The following HPSE2 variants were observed in gnomAD, a reference collection of about 807,000 sequenced individuals.
HPSE2 encodes inactive heparanase-2.
HPSE2 carries 38 observed loss-of-function variants against 60.5 expected under a neutral mutation model. That is an observed-to-expected ratio of 0.63 (90% CI 0.48 to 0.82). The LOEUF (loss-of-function observed/expected upper bound fraction) is 0.82. Ranked by LOEUF, HPSE2 falls within the 40% of genes least tolerant of loss-of-function variation. HPSE2 has a pLI of 0.00. For synonymous variants in HPSE2, 295 were observed against 293.2 expected, an observed-to-expected ratio of 1.01 and a Z score of -0.06; for missense variants, 713 against 740.4, an observed-to-expected ratio of 0.96 and a Z score of 0.43.
At chr10:98,691,667 G>GTTTCA in intron 6 of HPSE2, among the ~76,000 whole-genome samples, 1 of 152,174 alleles carries the variant, frequency 6.6e-6, no homozygotes, top group Non-Finnish European at 1.5e-5. Flanking sequence ...TTTCAGTAAA[G>GTTTCA]GGACATTATC....
intron 2 of HPSE2, among the ~76,000 whole-genome samples, chr10:99,190,737 CA>C (rs1184603729): frequency 4.0e-5 from 6 of 151,808 alleles, no homozygotes; most frequent in Non-Finnish European, 8.8e-5. Flanking sequence ...ACTATCCATA[CA>C]AAAAAAAGCA....
intron 3 of HPSE2, among the ~76,000 whole-genome samples, chr10:98,877,321 T>C (rs1157204015): frequency 6.6e-6 from 1 of 151,886 alleles, no homozygotes; most frequent in Non-Finnish European, 1.5e-5. Context: ...ATATGTTTTC[T>C]AGATTTTTTT....
intron 9 of HPSE2, among the ~76,000 whole-genome samples, chr10:98,550,973 A>T (rs1014057501): frequency 3.9e-5 from 6 of 152,138 alleles, no homozygotes; most frequent in Non-Finnish European, 5.9e-5. Flanking sequence ...GCCTTCCATA[A>T]CTATTCACTG....
In HPSE2 at chr10:99,221,982, C is replaced by A. The variant is rs553489958; in HGVS notation, c.448+10366G>T. Among the ~76,000 whole-genome samples, 10 of 152,226 alleles carry A rather than the reference C, an allele frequency of 6.6e-5. No homozygotes were observed. The East Asian group carries it at 1.9e-3, about 29-fold the overall frequency. ...GGAGAGAGGCTGAAAACAGGAAACC[C>A]AGCTGAGACGTGCTACAGAACAGGT... On this transcript the variant is annotated intron_variant, in intron 2 of 11. Coordinates refer to ENST00000370552, the MANE Select transcript of HPSE2 (RefSeq NM_021828.5).
intron 2 of HPSE2, among the ~76,000 whole-genome samples, chr10:99,182,737 C>T (rs1028395621): frequency 6.6e-6 from 1 of 152,058 alleles, no homozygotes; most frequent in Non-Finnish European, 1.5e-5. Flanking sequence ...GTGGCTCACA[C>T]CTGTAAATCC....
rs1206773603 is a variant in HPSE2, at chr10:98,635,476, T to C, written c.1098+6371A>G. On this transcript the variant is annotated intron_variant, in intron 7 of 11. Coordinates refer to ENST00000370552, the MANE Select transcript of HPSE2 (RefSeq NM_021828.5). Reference sequence around the variant, plus strand: ...CAATAGTCAAGTTATGAAATCAACCTGTCTCCATCAACAGATGAACGGAGC... The same window carrying C: ...CAATAGTCAAGTTATGAAATCAACCCGTCTCCATCAACAGATGAACGGAGC... 3.3e-5 allele frequency among the ~76,000 whole-genome samples: 5 copies of C among 152,328 alleles called. No individual in the cohort carries two copies. The East Asian group carries it at 9.6e-4, about 29-fold the overall frequency.
intron 9 of HPSE2, among the ~76,000 whole-genome samples, chr10:98,557,702 G>C (rs553572709): frequency 3.3e-5 from 5 of 152,348 alleles, no homozygotes; most frequent in African/African-American, 4.8e-5. Flanking sequence ...TGCAATCCCA[G>C]CACTTTGGGA....
At chr10:98,968,033 C>A (rs1004020288) in intron 3 of HPSE2, among the ~76,000 whole-genome samples, 2 of 152,134 alleles carry the variant, frequency 1.3e-5, no homozygotes, top group Non-Finnish European at 2.9e-5. Context: ...AAATCATAGA[C>A]TTCCCCCTCC....
At chr10:99,068,701 G>A (rs1001097150) in intron 3 of HPSE2, among the ~76,000 whole-genome samples, 16 of 152,020 alleles carry the variant, frequency 1.1e-4, no homozygotes, top group African/African-American at 3.4e-4. Flanking sequence ...TCTCTAAAAT[G>A]TTCAAAAAAT....
chr10:98,817,930 A>C (rs1281240518), intron 3 of HPSE2, among the ~76,000 whole-genome samples: 1 of 152,208 alleles, frequency 6.6e-6, no homozygotes, highest in African/African-American at 2.4e-5. Context: ...CCATTAATAC[A>C]GTCATCTCTC....
At position 98,457,434 on chromosome 10, in the gene HPSE2, G is replaced by A. The variant is rs958041993; in HGVS notation, c.*2140C>T. On this transcript the variant is annotated 3_prime_UTR_variant, in exon 12 of 12. Coordinates refer to ENST00000370552, the MANE Select transcript of HPSE2 (RefSeq NM_021828.5). ...CTCCATGCCTCGTAGGAAAAATGGGGATAACAGTAGTACCCCTTTATCATG... is the reference window on the plus strand; with the variant it reads ...CTCCATGCCTCGTAGGAAAAATGGGAATAACAGTAGTACCCCTTTATCATG... The A allele has an allele frequency of 2.0e-5, 3 of 152,158 alleles. No homozygotes were observed. The highest frequency in any genetic ancestry group is 7.2e-5 in the African/African-American group (3 of 41,452). 9.4% of individuals were successfully genotyped at this position (152,158 alleles called of 1,614,324 possible).
At chr10:98,596,040 T>C (rs928361134) in intron 9 of HPSE2, among the ~76,000 whole-genome samples, 1 of 152,246 alleles carries the variant, frequency 6.6e-6, no homozygotes, top group African/African-American at 2.4e-5. Flanking sequence ...CTTGCATCCC[T>C]GGGATAAATC....
In HPSE2 at chr10:98,800,194, T is replaced by C. The variant is rs532448405; in HGVS notation, c.611-56138A>G. 6.6e-5 allele frequency among the ~76,000 whole-genome samples: 10 copies of C among 151,452 alleles called. No individual in the cohort carries two copies. In the East Asian group the frequency reaches 1.7e-3, roughly 26 times the overall value. The stretch of plus-strand genomic sequence containing the variant: ...ACCAGCCTGGGCAAAATGGCGAGAC[T>C]TCATCTCTACTAAAAATACAAAATA... On this transcript the variant is annotated intron_variant, in intron 3 of 11. Coordinates refer to ENST00000370552, the MANE Select transcript of HPSE2 (RefSeq NM_021828.5).
chr10:98,462,668 G>T (rs1564895799), intron 11 of HPSE2, among the ~76,000 whole-genome samples: 5 of 151,472 alleles, frequency 3.3e-5, no homozygotes, highest in African/African-American at 7.3e-5. Flanking sequence ...TTTTGTTTTT[G>T]TTTTTTTGAG....
intron 3 of HPSE2, among the ~76,000 whole-genome samples, chr10:98,899,349 A>C (rs1953592926): frequency 2.0e-5 from 3 of 152,232 alleles, no homozygotes; most frequent in Admixed American, 6.5e-5. Context: ...GCTTGTTGAA[A>C]GACACAATCA....
intron 5 of HPSE2, among the ~76,000 whole-genome samples, chr10:98,697,799 C>G (rs1446581529): frequency 6.6e-6 from 1 of 152,172 alleles, no homozygotes; most frequent in African/African-American, 2.4e-5. Context: ...ATCAGACTAA[C>G]AGTGGTCCTC....
chr10:98,839,705 A>G (rs1401182971), intron 3 of HPSE2, among the ~76,000 whole-genome samples: 4 of 152,198 alleles, frequency 2.6e-5, no homozygotes, highest in Non-Finnish European at 5.9e-5. Flanking sequence ...TATCCGTGCT[A>G]TTGACCTCCT....
chr10:99,262,848 C>T, the HPSE2 span, among the ~76,000 whole-genome samples: 4 of 152,082 alleles, frequency 2.6e-5, no homozygotes, highest in East Asian at 7.7e-4. Context: ...CTAGCTGACC[C>T]CATAAATCCT....
chr10:98,580,423 T>C (rs926413330), intron 9 of HPSE2, among the ~76,000 whole-genome samples: 2 of 152,166 alleles, frequency 1.3e-5, no homozygotes, highest in African/African-American at 4.8e-5. Flanking sequence ...TTTATAACTT[T>C]TCTTTCAATA....
Sources: gnomAD v4.1 joint callset for allele counts (sites outside exome capture counted in the v4.1 genomes callset) on GRCh38, gnomAD v4.1.1 for gene constraint, MANE v1.5 for transcripts, NCBI Gene and HGNC (gene_info 2026-07-23, HGNC 2026-07-21) for gene names.